KCNE1: variants seen among roughly 807,000 people sequenced by gnomAD.
KCNE1 encodes potassium voltage-gated channel subfamily E member 1.
Under a neutral mutation model 2.9 loss-of-function variants are expected in KCNE1, and 1 was observed. The observed-to-expected ratio is 0.34, with a 90% CI of 0.12 to 1.62. The LOEUF (loss-of-function observed/expected upper bound fraction) is 1.62, where lower values mean the gene tolerates loss of function less well. KCNE1 is among the 40% of genes most tolerant of loss of function. KCNE1 has a pLI of 0.36. For missense variants in KCNE1, 45 were observed against 150.5 expected, an observed-to-expected ratio of 0.30 and a Z score of 3.67; for synonymous variants, 23 against 65.4, an observed-to-expected ratio of 0.35 and a Z score of 3.13.
chr21:34,496,538 T>G (rs576745555), intron 2 of KCNE1, among the ~76,000 whole-genome samples: 2 of 152,160 alleles, frequency 1.3e-5, no homozygotes, highest in South Asian at 4.2e-4. Flanking sequence ...TGGTATAATT[T>G]CAGTTTTCTT....
At chr21:34,508,190 CTTT>C (rs796940352) in intron 2 of KCNE1, among the ~76,000 whole-genome samples, 1 of 137,600 alleles carries the variant, frequency 7.3e-6, no homozygotes, top group Non-Finnish European at 1.6e-5. Context: ...CCACTCCTAG[CTTT>C]TTTTTTTTTT....
At chr21:34,510,831 T>G (rs1451321825) in intron 2 of KCNE1, 1 of 152,568 alleles carries the variant, frequency 6.6e-6, no homozygotes, top group Non-Finnish European at 1.5e-5. Context: ...GACCTGGCGC[T>G]GGGAGGCACT....
In KCNE1 at chr21:34,505,794, C is replaced by T. The variant is rs16991753; in HGVS notation, c.-162+5307G>A. On this transcript the variant is annotated intron_variant, in intron 2 of 3. Coordinates refer to ENST00000399286, the MANE Select transcript of KCNE1 (RefSeq NM_000219.6). ...AAGGAGATAAAGTGAGTACAAACAC[C>T]CTTATGCATTACTGTAGCTCAAACG... Among the ~76,000 whole-genome samples the T allele has an allele frequency of 6.9e-3, 1,055 of 152,322 alleles. 9 individuals are homozygous for T. The highest frequency in any genetic ancestry group is 0.024 in the African/African-American group (1,002 of 41,566).
rs2123468498 is a variant in KCNE1, at chr21:34,452,855, C to A, written c.-50-3171G>T. ...GCATGTGGCACATGGCAGGTGCACA[C>A]TCAGTGGTCCTGGGTAGGAGTTTAT... On this transcript the variant is annotated intron_variant, in intron 3 of 3. Coordinates refer to ENST00000399286, the MANE Select transcript of KCNE1 (RefSeq NM_000219.6). 3.3e-5 allele frequency among the ~76,000 whole-genome samples: 2 copies of A among 61,442 alleles called. 1 individual carries two copies. The highest frequency in any genetic ancestry group is 1.6e-4 in the African/African-American group (2 of 12,134). The allele number at this position is 61,442 out of a possible 152,430, so 40.3% of individuals were successfully genotyped here. A position where few individuals can be genotyped will look rare whatever the true frequency, so the allele number is the denominator to read the frequency against.
At chr21:34,502,386 G>A (rs1983218811) in intron 2 of KCNE1, among the ~76,000 whole-genome samples, 1 of 152,194 alleles carries the variant, frequency 6.6e-6, no homozygotes, top group Non-Finnish European at 1.5e-5. Flanking sequence ...TGAAGGAACT[G>A]GCCTGAAAAT....
intron 2 of KCNE1, among the ~76,000 whole-genome samples, chr21:34,506,476 A>G (rs1983494706): frequency 6.6e-6 from 1 of 152,016 alleles, no homozygotes; most frequent in Non-Finnish European, 1.5e-5. Flanking sequence ...CCAAGAAAAG[A>G]GCCCCTGTGA....
intron 2 of KCNE1, among the ~76,000 whole-genome samples, chr21:34,501,798 G>A (rs923345341): frequency 1.3e-5 from 2 of 152,132 alleles, no homozygotes; most frequent in African/African-American, 4.8e-5. Context: ...CCCCTAGCAG[G>A]CCCCCATTCA....
At chr21:34,507,219 C>G (rs41315347) in intron 2 of KCNE1, among the ~76,000 whole-genome samples, 49 of 151,868 alleles carry the variant, frequency 3.2e-4, no homozygotes, top group African/African-American at 1.1e-3. Context: ...GAGAATGGCT[C>G]TGGGGGTGGA....
intron 2 of KCNE1, among the ~76,000 whole-genome samples, chr21:34,500,091 T>C (rs1005836971): frequency 1.3e-5 from 2 of 152,228 alleles, no homozygotes; most frequent in African/African-American, 4.8e-5. Context: ...AATTTAACAT[T>C]ACTGAATTAT....
intron 2 of KCNE1, among the ~76,000 whole-genome samples, chr21:34,501,132 C>A (rs1983141801): frequency 6.6e-6 from 1 of 152,200 alleles, no homozygotes; most frequent in Admixed American, 6.5e-5. Context: ...CACTGCTATG[C>A]AAGTTGGACT....
intron 2 of KCNE1, among the ~76,000 whole-genome samples, chr21:34,506,294 C>T (rs769058844): frequency 7.2e-5 from 11 of 152,318 alleles, no homozygotes; most frequent in Admixed American, 1.3e-4. Context: ...CTTGTCACTC[C>T]GTGGTTTCTT....
At chr21:34,510,735 G>GT (rs1239546716) in intron 2 of KCNE1, 1 of 152,492 alleles carries the variant, frequency 6.6e-6, no homozygotes, top group Non-Finnish European at 1.5e-5. Context: ...CCTGGCTGGT[G>GT]TGCAGCCACC....
chr21:34,498,451 T>C (rs1982942304), intron 2 of KCNE1, among the ~76,000 whole-genome samples: 1 of 152,238 alleles, frequency 6.6e-6, no homozygotes. Context: ...GGAGCCAGAC[T>C]GCAGTAATTG....
At position 34,506,268 on chromosome 21, in the gene KCNE1, G is replaced by A. The variant is rs41314841; in HGVS notation, c.-162+4833C>T. On this transcript the variant is annotated intron_variant, in intron 2 of 3. Transcript: ENST00000399286. ...ATTGCTGGGTTTCTAGACCAATCAC[G>A]TCTTTGAAATGTCTTCTTGTCACTC... Among the ~76,000 whole-genome samples, 375 of 152,266 alleles carry A rather than the reference G, an allele frequency of 2.5e-3. 2 individuals are homozygous for A. The highest frequency in any genetic ancestry group is 8.8e-3 in the African/African-American group (365 of 41,542).
chr21:34,498,953 G>A (rs1261700533), intron 2 of KCNE1, among the ~76,000 whole-genome samples: 1 of 152,154 alleles, frequency 6.6e-6, no homozygotes, highest in African/African-American at 2.4e-5. Context: ...GGGCCATAAA[G>A]CTCCCCAAAA....
chr21:34,496,361 C>T (rs1377846956), intron 2 of KCNE1, among the ~76,000 whole-genome samples: 1 of 152,178 alleles, frequency 6.6e-6, no homozygotes, highest in Non-Finnish European at 1.5e-5. Context: ...GAGTGAGCCA[C>T]CACACCTGAC....
chr21:34,508,882 C>T (rs1983666570), intron 2 of KCNE1, among the ~76,000 whole-genome samples: 1 of 152,198 alleles, frequency 6.6e-6, no homozygotes, highest in African/African-American at 2.4e-5. Context: ...TTATGCTTCA[C>T]TAATGGTACA....
intron 2 of KCNE1, among the ~76,000 whole-genome samples, chr21:34,497,427 C>T (rs12151987): frequency 0.072 from 10,960 of 152,220 alleles, 473 homozygotes; most frequent in African/African-American, 0.11. Flanking sequence ...CTTTATCTCT[C>T]TTTCATTTAT....
intron 2 of KCNE1, among the ~76,000 whole-genome samples, chr21:34,499,186 T>C (rs1004061004): frequency 2.0e-5 from 3 of 152,224 alleles, no homozygotes; most frequent in South Asian, 4.1e-4. Flanking sequence ...GGGAAAGCAA[T>C]AGGCCTCACC....
Sources: allele counts gnomAD v4.1 joint callset (sites outside exome capture counted in the v4.1 genomes callset), GRCh38; gene constraint gnomAD v4.1.1; transcripts MANE v1.5; gene names NCBI Gene and HGNC (gene_info 2026-07-23, HGNC 2026-07-21).